PIP4P2: variants seen among roughly 807,000 people sequenced by gnomAD.
PIP4P2 encodes type 2 phosphatidylinositol 4,5-bisphosphate 4-phosphatase.
In PIP4P2, 19 loss-of-function variants were observed where a neutral mutation model predicts 33.3. The observed-to-expected ratio is 0.57, with a 90% confidence interval of 0.40 to 0.84. PIP4P2 has a LOEUF of 0.84. Ranked by LOEUF, PIP4P2 falls within the 40% of genes least tolerant of loss-of-function variation. PIP4P2 has a pLI of 0.00. For missense variants in PIP4P2, 270 were observed against 324.7 expected, an observed-to-expected ratio of 0.83 and a Z score of 1.29; for synonymous variants, 110 against 111.9, an observed-to-expected ratio of 0.98 and a Z score of 0.11.
Position 91,040,626 on chromosome 8 carries a change from G to T in PIP4P2, c.106+18C>A. 6.2e-7 allele frequency: 1 copy of T among 1,613,116 alleles called. No homozygotes were observed. On this transcript the variant is annotated intron_variant, in intron 1 of 6. Transcript: ENST00000285419. ...AATCTACTTCCTTGCAAAGTAGAGG[G>T]ATCTACGCTGGCCTTACCTCTGGGG... is the stretch of plus-strand genomic sequence containing the variant.
At chr8:91,029,426 A>G (rs1812128689) in intron 1 of PIP4P2, among the ~76,000 whole-genome samples, 2 of 152,210 alleles carry the variant, frequency 1.3e-5, no homozygotes, top group African/African-American at 4.8e-5. Flanking sequence ...TAATGAGGAC[A>G]AAGATCTGAC....
intron 5 of PIP4P2, among the ~76,000 whole-genome samples, chr8:91,001,866 A>G (rs1811704078): frequency 6.6e-6 from 1 of 152,050 alleles, no homozygotes. Flanking sequence ...TACATACAGA[A>G]CTTTCATTTG....
chr8:90,993,841 C>T lies in PIP4P2; in HGVS notation c.*1836G>A, dbSNP rs188416013. The T allele has an allele frequency of 1.6e-4, 25 of 152,256 alleles. No individual in the cohort carries two copies. Among genetic ancestry groups the T allele is most frequent in the African/African-American group, 6.0e-4 (25 of 41,556 alleles). The allele number at this position is 152,256 out of a possible 1,614,324, so 9.4% of individuals were successfully genotyped here. A position where few individuals can be genotyped will look rare whatever the true frequency, so the allele number is the denominator to read the frequency against. On this transcript the variant is annotated 3_prime_UTR_variant, in exon 7 of 7. Transcript: ENST00000285419. The stretch of plus-strand genomic sequence containing the variant: ...TCATTCAACCATTTATTCATTCATG[C>T]ATATTCATTCACGTAAATTGAGCAC...
At chr8:91,012,034 G>A (rs974525654) in intron 4 of PIP4P2, among the ~76,000 whole-genome samples, 1 of 151,762 alleles carries the variant, frequency 6.6e-6, no homozygotes, top group Non-Finnish European at 1.5e-5. Flanking sequence ...AGGAGAGAGA[G>A]CTCATTATTT....
chr8:91,015,660 C>G (rs1157821739), intron 4 of PIP4P2, among the ~76,000 whole-genome samples: 2 of 152,168 alleles, frequency 1.3e-5, no homozygotes, highest in Non-Finnish European at 2.9e-5. Flanking sequence ...AAAGGGTACA[C>G]TCGCCAGCAG....
Position 91,021,375 on chromosome 8 carries a change from C to T in PIP4P2, c.136G>A (p.Ala46Thr). ...GGAATACCACTGGCGTCTGGACTGGCAATGGCTGTATATGGAGGTGGGAGC... is the reference window on the plus strand; with the variant it reads ...GGAATACCACTGGCGTCTGGACTGGTAATGGCTGTATATGGAGGTGGGAGC... ...AELPPPYTAI[A>T]SPDASGIPVI... Residue 46 changes from alanine to threonine, a missense_variant, in exon 2 of 7, where the codon GCC becomes ACC. Coordinates refer to ENST00000285419, the MANE Select transcript of PIP4P2 (RefSeq NM_018710.3). 3.1e-6 allele frequency: 5 copies of T among 1,613,746 alleles called. No homozygotes were observed. The highest frequency in any genetic ancestry group is 4.2e-6 in the Non-Finnish European group (5 of 1,179,782).
rs1392653985 is a variant in PIP4P2, at chr8:91,012,008, G to A, written c.487-3213C>T. On this transcript the variant is annotated intron_variant, in intron 4 of 6. Coordinates refer to ENST00000285419, the MANE Select transcript of PIP4P2 (RefSeq NM_018710.3). ...TAATAGTTCTTTTATCTTAATCCTTGAGAGAATTCTCTCTCAGGAGAGAGA... is the reference window on the plus strand; with the variant it reads ...TAATAGTTCTTTTATCTTAATCCTTAAGAGAATTCTCTCTCAGGAGAGAGA... Among the ~76,000 whole-genome samples the A allele has an allele frequency of 2.0e-5, 3 of 151,704 alleles. No individual in the cohort carries two copies. In the East Asian group the frequency reaches 5.8e-4, roughly 29 times the overall value.
At chr8:91,017,460 GACTATC>G (rs1385223885) in intron 4 of PIP4P2, among the ~76,000 whole-genome samples, 2 of 151,754 alleles carry the variant, frequency 1.3e-5, no homozygotes, top group African/African-American at 4.8e-5. Context: ...ACATAGAAGT[GACTATC>G]AATAAAGTAG....
intron 4 of PIP4P2, among the ~76,000 whole-genome samples, chr8:91,015,519 A>G (rs1052680418): frequency 6.6e-6 from 1 of 152,190 alleles, no homozygotes; most frequent in Non-Finnish European, 1.5e-5. Context: ...AAGAAGAAGA[A>G]TACCTCAGAA....
At chr8:91,012,893 A>G (rs545548477) in intron 4 of PIP4P2, among the ~76,000 whole-genome samples, 122 of 152,306 alleles carry the variant, frequency 8.0e-4, no homozygotes, top group Non-Finnish European at 1.4e-3. Context: ...TAAACTCTCA[A>G]TTTAGATCAT....
At chr8:90,998,950 G>A (rs1369740394) in intron 5 of PIP4P2, among the ~76,000 whole-genome samples, 3 of 152,056 alleles carry the variant, frequency 2.0e-5, no homozygotes, top group Non-Finnish European at 4.4e-5. Context: ...AAGAGCTTTT[G>A]CACATCAAAG....
chr8:91,028,778 A>G (rs528827738), intron 1 of PIP4P2, among the ~76,000 whole-genome samples: 2 of 152,344 alleles, frequency 1.3e-5, no homozygotes, highest in African/African-American at 4.8e-5. Flanking sequence ...TACCCATCAC[A>G]TCTTCATTCC....
chr8:90,995,786 G>T lies in PIP4P2; in HGVS notation c.665C>A (p.Ala222Glu), dbSNP rs541572362. ...GTPDFARRFR[A>E]TYVSWAIAYL... ...AGCAATTGCCCAAGAAACATAGGTTGCTCGAAATCGCCTTGCAAAATCTGG... is the reference window on the plus strand; with the variant it reads ...AGCAATTGCCCAAGAAACATAGGTTTCTCGAAATCGCCTTGCAAAATCTGG... Residue 222 changes from alanine to glutamate, a missense_variant, in exon 7 of 7, where the codon GCA becomes GAA. Coordinates refer to ENST00000285419, the MANE Select transcript of PIP4P2 (RefSeq NM_018710.3). 9 of 1,609,420 alleles carry T rather than the reference G, an allele frequency of 5.6e-6. No homozygotes were observed. The highest frequency in any genetic ancestry group is 2.2e-5 in the South Asian group (2 of 89,790).
intron 3 of PIP4P2, among the ~76,000 whole-genome samples, chr8:91,019,051 G>T (rs1001283176): frequency 6.6e-5 from 10 of 151,934 alleles, no homozygotes; most frequent in Admixed American, 6.6e-4. Context: ...TCATGTAATG[G>T]TCAAAAAGCT....
Position 91,040,853 on chromosome 8 carries a change from T to C in PIP4P2, c.-104A>G, listed in dbSNP as rs533914392. On this transcript the variant is annotated 5_prime_UTR_variant, in exon 1 of 7. Coordinates refer to ENST00000285419, the MANE Select transcript of PIP4P2 (RefSeq NM_018710.3). ...CTGCTGCCGCTGCTGCCGCTGCAGC[T>C]GCTGCTGCTGCCGCCTCCGGGAGGG... The C allele has an allele frequency of 3.7e-4, 316 of 850,530 alleles. 2 individuals are homozygous for C. In the East Asian group the frequency reaches 3.8e-3, roughly 10 times the overall value. The allele number at this position is 850,530 out of a possible 1,614,324, so 52.7% of individuals were successfully genotyped here.
In PIP4P2 at chr8:91,021,389, G is replaced by A. The variant is rs749700279; in HGVS notation, c.122C>T (p.Pro41Leu). The stretch of plus-strand genomic sequence containing the variant: ...GTCTGGACTGGCAATGGCTGTATAT[G>A]GAGGTGGGAGCTCCGCTGAAAAGAT... ...ESSPRAELPP[P>L]YTAIASPDAS... The change falls in exon 2 of 7, where the codon CCA becomes CTA. Residue 41 changes from proline (P) to leucine (L), a missense_variant. Coordinates refer to ENST00000285419, the MANE Select transcript of PIP4P2 (RefSeq NM_018710.3). 2 of 1,613,660 alleles carry A rather than the reference G, an allele frequency of 1.2e-6. No individual in the cohort carries two copies. Among genetic ancestry groups the A allele is most frequent in the Admixed American group, 1.7e-5 (1 of 59,946 alleles).
Position 91,040,810 on chromosome 8 carries a change from T to TGGCTACTGCTGCTGCCTCTGCTGC in PIP4P2, c.-85_-62dup. 1 of 1,447,464 alleles carries TGGCTACTGCTGCTGCCTCTGCTGC rather than the reference T, an allele frequency of 6.9e-7. No homozygotes were observed. Among genetic ancestry groups the TGGCTACTGCTGCTGCCTCTGCTGC allele is most frequent in the Non-Finnish European group, 9.5e-7 (1 of 1,053,334 alleles). 89.7% of individuals were successfully genotyped at this position (1,447,464 alleles called of 1,614,324 possible). On this transcript the variant is annotated 5_prime_UTR_variant, in exon 1 of 7. Transcript: ENST00000285419. ...CGGGGTTGCGGCCTCGGCGGAGTGGTGGCTACTGCTGCTGCCTCTGCTGCC... is the reference window on the plus strand; with the variant it reads ...CGGGGTTGCGGCCTCGGCGGAGTGGTGGCTACTGCTGCTGCCTCTGCTGCGGCTACTGCTGCTGCCTCTGCTGCC...
At chr8:91,003,234 T>C (rs1292265050) in intron 5 of PIP4P2, among the ~76,000 whole-genome samples, 1 of 152,168 alleles carries the variant, frequency 6.6e-6, no homozygotes, top group Non-Finnish European at 1.5e-5. Flanking sequence ...ATTTAGGAAC[T>C]ACCACTCTAG....
chr8:90,998,230 T>G (rs1313766135), intron 5 of PIP4P2, among the ~76,000 whole-genome samples: 5 of 152,054 alleles, frequency 3.3e-5, no homozygotes, highest in African/African-American at 1.2e-4. Context: ...CTTATTAAAA[T>G]TATGTACTGA....
Sources: gnomAD v4.1 joint callset for allele counts (sites outside exome capture counted in the v4.1 genomes callset) on GRCh38, gnomAD v4.1.1 for gene constraint, MANE v1.5 for transcripts, NCBI Gene and HGNC (gene_info 2026-07-23, HGNC 2026-07-21) for gene names.